The following RAPGEF3 variants were observed in gnomAD, a reference collection of about 807,000 sequenced individuals.
RAPGEF3 encodes the protein 9330170P05Rik.
Under a neutral mutation model 129.8 loss-of-function variants are expected in RAPGEF3, and 103 were observed. The ratio of observed to expected loss-of-function variants is 0.79; its 90% CI spans 0.68 to 0.93. The LOEUF (loss-of-function observed/expected upper bound fraction) is 0.93. Among genes scored for constraint, RAPGEF3 ranks in the 40% least tolerant of loss-of-function variants. The pLI is 0.00. For synonymous variants in RAPGEF3, 436 were observed against 482.6 expected (o/e 0.90, Z 1.26); for missense variants, 1,117 against 1,207.4 (o/e 0.93, Z 1.11).
Position 47,741,342 on chromosome 12 carries a change from T to C in RAPGEF3, c.1923+163A>G, listed in dbSNP as rs113335508. ...CCCTGCCCTGCACTATCTTGGGAAT[T>C]CCCCCATCAGCTGAGGCCCACTCCT... On this transcript the variant is annotated intron_variant, in intron 19 of 27. Transcript: ENST00000449771. 3.3e-5 allele frequency: 24 copies of C among 723,900 alleles called. 2 individuals carry two copies. Among genetic ancestry groups the C allele is most frequent in the African/African-American group, 2.5e-4 (14 of 56,584 alleles). The allele number at this position is 723,900 out of a possible 1,614,324, so 44.8% of individuals were successfully genotyped here. A position where few individuals can be genotyped will look rare whatever the true frequency, so the allele number is the denominator to read the frequency against.
In RAPGEF3 at chr12:47,736,978, C is replaced by G. The variant is rs750946845; in HGVS notation, c.*589G>C. On this transcript the variant is annotated 3_prime_UTR_variant, in exon 28 of 28. Transcript: ENST00000449771. Reference sequence around the variant, plus strand: ...TCCCAGAGGGCGGGGCCTCAGCCTCCCTGCCACGCCCACTCTGGGCTGGCC... The same window carrying G: ...TCCCAGAGGGCGGGGCCTCAGCCTCGCTGCCACGCCCACTCTGGGCTGGCC... 2 of 152,784 alleles carry G rather than the reference C, an allele frequency of 1.3e-5. No individual in the cohort carries two copies. Among genetic ancestry groups the G allele is most frequent in the Non-Finnish European group, 2.9e-5 (2 of 68,490 alleles). The allele number at this position is 152,784 out of a possible 1,614,324, so 9.5% of individuals were successfully genotyped here.
At position 47,740,668 on chromosome 12, in the gene RAPGEF3, G is replaced by A; in HGVS notation, c.2205C>T (p.Leu735=). 6.2e-7 allele frequency: 1 copy of A among 1,613,768 alleles called. No individual in the cohort carries two copies. The highest frequency in any genetic ancestry group is 8.5e-7 in the Non-Finnish European group (1 of 1,179,960). The change falls in exon 21 of 28, where the codon CTC becomes CTT. Residue 735 remains leucine, a synonymous_variant. Coordinates refer to ENST00000449771, the MANE Select transcript of RAPGEF3 (RefSeq NM_001098531.4). The part of the protein sequence containing the change: ...CPVPGPRAQL[L]RKFIKLAAHL... ...GGGCCGCCAGCTTAATGAACTTCCT[G>A]AGCAGCTGGGCCCGGGGGCCGGGCA...
At position 47,740,738 on chromosome 12, in the gene RAPGEF3, T is replaced by C. The variant is rs1233545370; in HGVS notation, c.2135A>G (p.Asn712Ser). The stretch of plus-strand genomic sequence containing the variant: ...GGTGGCCACCCAGTACTGCAGCTCA[T>C]TGAAGCGGCGCATGAAGCGCTCCAG... ...ANLERFMRRF[N>S]ELQYWVATEL... Residue 712 changes from asparagine to serine, a missense_variant, in exon 21 of 28, where the codon AAT becomes AGT. By Grantham distance (46) the Asn-to-Ser change is conservative. Coordinates refer to ENST00000449771, the MANE Select transcript of RAPGEF3 (RefSeq NM_001098531.4). The C allele has an allele frequency of 1.5e-5, 25 of 1,613,912 alleles. No individual in the cohort carries two copies. The highest frequency in any genetic ancestry group is 1.2e-4 in the South Asian group (11 of 91,090).
Position 47,740,695 on chromosome 12 carries a change from G to C in RAPGEF3, c.2178C>G (p.Pro726=), listed in dbSNP as rs374258467. 2.7e-5 allele frequency: 44 copies of C among 1,613,944 alleles called. No homozygotes were observed. The highest frequency in any genetic ancestry group is 4.5e-5 in the East Asian group (2 of 44,886). The change falls in exon 21 of 28, where the codon CCC becomes CCG. Residue 726 remains proline, a synonymous_variant. Transcript: ENST00000449771. Reference sequence around the variant, plus strand: ...GCAGCTGGGCCCGGGGGCCGGGCACGGGGCAGAGACACAGCTCGGTGGCCA... The same window carrying C: ...GCAGCTGGGCCCGGGGGCCGGGCACCGGGCAGAGACACAGCTCGGTGGCCA... ...YWVATELCLC[P]VPGPRAQLLR... is the part of the protein sequence containing the mutation.
rs370152009 is a variant in RAPGEF3, at chr12:47,747,857, T to A, written c.1328A>T (p.His443Leu). 6.9e-6 allele frequency: 11 copies of A among 1,602,924 alleles called. No homozygotes were observed. Among genetic ancestry groups the A allele is most frequent in the Non-Finnish European group, 9.3e-6 (11 of 1,179,742 alleles). The change falls in exon 14 of 28, where the codon CAT (histidine) becomes CTT (leucine). Residue 443 changes from histidine to leucine, a missense_variant. This residue lies in a region of RAPGEF3 where 643 missense variants were observed against 673.4 expected (regional missense o/e 0.95). Transcript: ENST00000449771. ...QLCAALLHHF[H>L]VEPAGGSEQE... ...CTCGCTGCCACCCGCAGGCTCCACA[T>A]GGAAGGTGGGCACCAGTCAAGGGAA...
At chr12:47,738,572 T>G in intron 25 of RAPGEF3, 118 bp downstream of exon 25, 1 of 937,778 alleles carries the variant, frequency 1.1e-6, no homozygotes, top group Non-Finnish European at 1.7e-6. Context: ...ACAGTAAGTA[T>G]TCATCCTCAT....
intron 23 of RAPGEF3, chr12:47,739,510 T>C (rs1461837406): frequency 1.6e-6 from 1 of 637,216 alleles, no homozygotes. Flanking sequence ...TATCCCTGTC[T>C]CTTTCTGTGT....
chr12:47,739,804 G>T (rs1002503678), intron 23 of RAPGEF3: 3 of 447,144 alleles, frequency 6.7e-6, no homozygotes, highest in East Asian at 4.3e-5. Flanking sequence ...AGGCCCTTGG[G>T]CTCTGGAGCC....
rs926508643 is a variant in RAPGEF3 at position 47,740,335 on chromosome 12, C to T, written c.2292G>A (p.Ser764=). ...AGGTGTGGGCTAGGCGGCTGATGGC[C>T]GAGTTGCTGAGGCCAAACATGACGG... ...FFAVMFGLSN[S]AISRLAHTWE... The change falls in exon 22 of 28, where the codon TCG becomes TCA. Residue 764 remains serine, a synonymous_variant. Coordinates refer to ENST00000449771, the MANE Select transcript of RAPGEF3 (RefSeq NM_001098531.4). 9.9e-6 allele frequency: 16 copies of T among 1,613,984 alleles called. No individual in the cohort carries two copies. Among genetic ancestry groups the T allele is most frequent in the Middle Eastern group, 1.6e-4 (1 of 6,084 alleles).
At chr12:47,755,738 T>G (rs1409937671) in intron 2 of RAPGEF3, 2 of 152,288 alleles carry the variant, frequency 1.3e-5, no homozygotes, top group African/African-American at 4.8e-5. Context: ...ACTTCTTCTC[T>G]GGGAGGTTGA....
intron 19 of RAPGEF3, 42 bp downstream of exon 19, chr12:47,741,463 T>C: frequency 6.4e-7 from 1 of 1,561,494 alleles, no homozygotes; most frequent in Non-Finnish European, 8.8e-7. Context: ...ACACTCAAAA[T>C]AGATCTCCTC....
intron 2 of RAPGEF3, chr12:47,756,234 C>T (rs991312457): frequency 4.6e-5 from 7 of 152,244 alleles, no homozygotes; most frequent in Non-Finnish European, 7.3e-5. Context: ...CCCTCCCAGA[C>T]TTCAGGTCCC....
intron 2 of RAPGEF3, among the ~76,000 whole-genome samples, chr12:47,757,032 G>A (rs1281217281): frequency 1.3e-5 from 2 of 151,924 alleles, no homozygotes; most frequent in Non-Finnish European, 2.9e-5. Context: ...AGTGGGTCAC[G>A]CCTGTAATAC....
At chr12:47,752,890 G>A (rs1353674265) in intron 2 of RAPGEF3, 1 of 152,156 alleles carries the variant, frequency 6.6e-6, no homozygotes, top group African/African-American at 2.4e-5. Flanking sequence ...ACACTGCTTA[G>A]TAAGGATTCC....
At chr12:47,741,387 C>T in intron 19 of RAPGEF3, 118 bp downstream of exon 19, 2 of 982,768 alleles carry the variant, frequency 2.0e-6, no homozygotes, top group Non-Finnish European at 1.6e-6. Flanking sequence ...GAGGACCCAG[C>T]AGCAGCCAGA....
rs1028746533 is a variant in RAPGEF3 at position 47,737,371 on chromosome 12, C to T, written c.*196G>A. The T allele has an allele frequency of 1.0e-5, 6 of 591,732 alleles. No individual in the cohort carries two copies. Among genetic ancestry groups the T allele is most frequent in the East Asian group, 5.7e-5 (2 of 35,074 alleles). The allele number at this position is 591,732 out of a possible 1,614,324, so 36.7% of individuals were successfully genotyped here. A position where few individuals can be genotyped will look rare whatever the true frequency, so the allele number is the denominator to read the frequency against. On this transcript the variant is annotated 3_prime_UTR_variant, in exon 28 of 28. Transcript: ENST00000449771. Reference sequence around the variant, plus strand: ...CTTGGGTCATTCGTTATTCCTGGCTCGGGTCCACTCCGAGGTCCTCCTTAG... The same window carrying T: ...CTTGGGTCATTCGTTATTCCTGGCTTGGGTCCACTCCGAGGTCCTCCTTAG...
intron 2 of RAPGEF3, among the ~76,000 whole-genome samples, chr12:47,757,435 G>A (rs1053052943): frequency 6.6e-6 from 1 of 152,076 alleles, no homozygotes; most frequent in Admixed American, 6.5e-5. Flanking sequence ...CGCAGAATTA[G>A]CACAGTTCAG....
intron 2 of RAPGEF3, among the ~76,000 whole-genome samples, chr12:47,753,242 C>T (rs555649646): frequency 7.9e-5 from 12 of 152,312 alleles, no homozygotes; most frequent in African/African-American, 1.4e-4. Context: ...AACTCAGTTG[C>T]GCATACTTCG....
intron 15 of RAPGEF3, among the ~76,000 whole-genome samples, chr12:47,747,128 ACC>A (rs1274535327): frequency 1.3e-5 from 2 of 152,142 alleles, no homozygotes; most frequent in Non-Finnish European, 2.9e-5. Context: ...GCAGATGCAG[ACC>A]CAGGGTTTCA....
Sources: allele counts gnomAD v4.1 joint callset (sites outside exome capture counted in the v4.1 genomes callset), GRCh38; gene constraint gnomAD v4.1.1; regional missense constraint gnomAD v4.1.1; transcripts MANE v1.5; gene names NCBI Gene and HGNC (gene_info 2026-07-23, HGNC 2026-07-21).